TPGS2: variants seen among roughly 807,000 people sequenced by gnomAD.
TPGS2 encodes the protein polyglutamylase subunit 2.
A neutral mutation model predicts 31.1 loss-of-function variants in TPGS2; 26 were observed. That is an observed-to-expected ratio of 0.84 (90% CI 0.61 to 1.16). The LOEUF (loss-of-function observed/expected upper bound fraction) is 1.16. Ranked by LOEUF, TPGS2 falls within the 50% of genes most tolerant of loss-of-function variation. The probability of loss-of-function intolerance (pLI) is 0.00; values close to 1 mark genes in which losing one functional copy is unlikely to be tolerated. For synonymous variants in TPGS2, 130 were observed against 136.6 expected, an observed-to-expected ratio of 0.95 and a Z score of 0.34; for missense variants, 351 against 363.8, an observed-to-expected ratio of 0.96 and a Z score of 0.29.
downstream of TPGS2, chr18:36,781,674 T>A: frequency 1.2e-6 from 1 of 828,012 alleles, no homozygotes; most frequent in Non-Finnish European, 1.5e-6. Context: ...CGACTCTGCA[T>A]TCCTGAACCT....
At chr18:36,800,098 A>G in intron 5 of TPGS2, 100 bp downstream of exon 5, 1 of 1,022,184 alleles carries the variant, frequency 9.8e-7, no homozygotes, top group Non-Finnish European at 1.5e-6. Flanking sequence ...GAGCATCTCA[A>G]GAGGCCAAGG....
intron 3 of TPGS2, among the ~76,000 whole-genome samples, chr18:36,806,794 T>C (rs1372085603): frequency 1.5e-5 from 2 of 129,362 alleles, no homozygotes; most frequent in African/African-American, 3.1e-5. Flanking sequence ...GAGGTTGCAG[T>C]GAGCAGAGAT....
At chr18:36,798,388 C>A in intron 6 of TPGS2, 61 bp downstream of exon 6, 1 of 1,606,910 alleles carries the variant, frequency 6.2e-7, no homozygotes, top group South Asian at 1.1e-5. Context: ...GCAATGTAAC[C>A]ATTTCCTCAG....
rs749941747 is a variant in TPGS2, at chr18:36,798,525, C to T, written c.581G>A (p.Arg194His). Reference sequence around the variant, plus strand: ...CAGGCCCAGGTGGGTGATGAGCAGGCGGTAATAGGCAGTAAAGGTGTCTGT... The same window carrying T: ...CAGGCCCAGGTGGGTGATGAGCAGGTGGTAATAGGCAGTAAAGGTGTCTGT... ...FLTDTFTAYY[R>H]LLITHLGLPQ... The change falls in exon 6 of 7, where the codon CGC becomes CAC. Residue 194 changes from arginine (R) to histidine (H), a missense_variant. Physicochemically the swap from Arg to His is conservative, Grantham distance 29 (BLOSUM62 0). Coordinates refer to ENST00000334295, the MANE Select transcript of TPGS2 (RefSeq NM_015476.4). 21 of 1,614,024 alleles carry T rather than the reference C, an allele frequency of 1.3e-5. No homozygotes were observed. Among genetic ancestry groups the T allele is most frequent in the South Asian group, 6.6e-5 (6 of 91,088 alleles).
At chr18:36,780,099 G>A, downstream of TPGS2, 33 of 1,224,200 alleles carry the variant, frequency 2.7e-5, no homozygotes, top group Non-Finnish European at 3.4e-5. Flanking sequence ...ACCTTAAACA[G>A]TTCCACAGGC....
At chr18:36,810,153 C>G (rs1043943817) in intron 2 of TPGS2, among the ~76,000 whole-genome samples, 2 of 152,064 alleles carry the variant, frequency 1.3e-5, no homozygotes, top group Non-Finnish European at 2.9e-5. Context: ...TGCTGCAGAC[C>G]CTTCTGCCCC....
chr18:36,820,214 C>A (rs1458355359), intron 1 of TPGS2, among the ~76,000 whole-genome samples: 1 of 152,214 alleles, frequency 6.6e-6, no homozygotes, highest in Admixed American at 6.5e-5. Flanking sequence ...GATGGGTCTT[C>A]ACTTCCCTTT....
Position 36,795,717 on chromosome 18 carries a change from A to C in TPGS2, c.*1088T>G. 1 of 985,442 alleles carries C rather than the reference A, an allele frequency of 1.0e-6. No homozygotes were observed. Among genetic ancestry groups the C allele is most frequent in the Non-Finnish European group, 1.2e-6 (1 of 829,944 alleles). The allele number at this position is 985,442 out of a possible 1,614,324, so 61.0% of individuals were successfully genotyped here. A position where few individuals can be genotyped will look rare whatever the true frequency, so the allele number is the denominator to read the frequency against. ...TATGTCAATGGGAAAATGATTTCTGAATTACAGGCAACTTGCTTCCAAAGG... is the reference window on the plus strand; with the variant it reads ...TATGTCAATGGGAAAATGATTTCTGCATTACAGGCAACTTGCTTCCAAAGG... On this transcript the variant is annotated 3_prime_UTR_variant, in exon 7 of 7. Transcript: ENST00000334295.
chr18:36,781,521 A>G (rs147484667), downstream of TPGS2, among the ~76,000 whole-genome samples: 1,495 of 152,224 alleles, frequency 9.8e-3, 30 homozygotes, highest in African/African-American at 0.034. Flanking sequence ...GTGTGGTGGC[A>G]CATCCCTGTA....
intron 1 of TPGS2, among the ~76,000 whole-genome samples, chr18:36,825,586 C>T (rs566241300): frequency 9.2e-5 from 14 of 152,154 alleles, no homozygotes; most frequent in Admixed American, 2.6e-4. Context: ...TATTAAAATA[C>T]ACATAACATA....
At chr18:36,793,613 TAC>T (rs527988962), downstream of TPGS2, among the ~76,000 whole-genome samples, 7 of 152,374 alleles carry the variant, frequency 4.6e-5, no homozygotes, top group East Asian at 7.7e-4. Context: ...GTTAGTTTTG[TAC>T]AGTGTTTCTA....
chr18:36,780,722 G>A (rs946794961), downstream of TPGS2, among the ~76,000 whole-genome samples: 1 of 152,314 alleles, frequency 6.6e-6, no homozygotes, highest in East Asian at 1.9e-4. Flanking sequence ...TGTAACAGCG[G>A]TATTTGTGTT....
chr18:36,795,601 C>A lies in TPGS2; in HGVS notation c.*1204G>T, dbSNP rs191844066. On this transcript the variant is annotated 3_prime_UTR_variant, in exon 7 of 7. Coordinates refer to ENST00000334295, the MANE Select transcript of TPGS2 (RefSeq NM_015476.4). ...CATTCCTAATTGAAAATCTGAGCAA[C>A]CTTCTCTGTAAAAATTTCATTAAAT... 2.0e-6 allele frequency: 2 copies of A among 985,292 alleles called. No homozygotes were observed. Among genetic ancestry groups the A allele is most frequent in the Non-Finnish European group, 2.4e-6 (2 of 829,946 alleles). 61.0% of individuals were successfully genotyped at this position (985,292 alleles called of 1,614,324 possible). A position where few individuals can be genotyped will look rare whatever the true frequency, so the allele number is the denominator to read the frequency against.
At chr18:36,824,256 G>A (rs1433122335) in intron 1 of TPGS2, among the ~76,000 whole-genome samples, 1 of 152,236 alleles carries the variant, frequency 6.6e-6, no homozygotes, top group Non-Finnish European at 1.5e-5. Context: ...TATATATCAC[G>A]TTCATCAACT....
chr18:36,821,611 T>C (rs1283297782), intron 1 of TPGS2, among the ~76,000 whole-genome samples: 1 of 152,216 alleles, frequency 6.6e-6, no homozygotes, highest in African/African-American at 2.4e-5. Flanking sequence ...AACTTATTGC[T>C]TAGTTAGATA....
chr18:36,807,632 T>C, intron 3 of TPGS2: 1 of 570,500 alleles, frequency 1.8e-6, no homozygotes, highest in East Asian at 3.0e-5. Context: ...GAACTTCCAG[T>C]TCCATACTGC....
At chr18:36,782,966 G>A (rs886660043), downstream of TPGS2, 4 of 397,134 alleles carry the variant, frequency 1.0e-5, no homozygotes, top group Admixed American at 4.4e-5. Flanking sequence ...CAGACATGCT[G>A]GGACAGAGGT....
intron 4 of TPGS2, among the ~76,000 whole-genome samples, chr18:36,803,901 T>A (rs1055470276): frequency 8.5e-5 from 13 of 152,246 alleles, no homozygotes; most frequent in South Asian, 4.1e-4. Context: ...GTTTTTTTTT[T>A]AAATAGTGAC....
intron 1 of TPGS2, among the ~76,000 whole-genome samples, chr18:36,826,234 C>T (rs2150712958): frequency 6.6e-6 from 1 of 152,202 alleles, no homozygotes; most frequent in East Asian, 1.9e-4. Flanking sequence ...GCTATGTTGC[C>T]CAGGCTGGTC....
Sources: allele counts gnomAD v4.1 joint callset (sites outside exome capture counted in the v4.1 genomes callset), GRCh38; gene constraint gnomAD v4.1.1; transcripts MANE v1.5; gene names NCBI Gene and HGNC (gene_info 2026-07-23, HGNC 2026-07-21).